SLC20A2: variants seen among roughly 807,000 people sequenced by gnomAD.
SLC20A2 encodes solute carrier family 20 member 2.
In SLC20A2, 30 loss-of-function variants were observed where a neutral mutation model predicts 61.0. That is an observed-to-expected ratio of 0.49 (90% CI 0.37 to 0.67). The LOEUF is 0.67. SLC20A2 is among the 30% of genes least tolerant of loss of function. The pLI, the probability that SLC20A2 is intolerant of heterozygous loss-of-function variation, is 0.00. For synonymous variants in SLC20A2, 351 were observed against 353.3 expected, an observed-to-expected ratio of 0.99 and a Z score of 0.07; for missense variants, 626 against 866.4, an observed-to-expected ratio of 0.72 and a Z score of 3.48.
chr8:42,502,626 G>C (rs919587595), upstream of SLC20A2: 1 of 152,204 alleles, frequency 6.6e-6, no homozygotes, highest in African/African-American at 2.4e-5. Flanking sequence ...GCATCCCCTC[G>C]GCCTAACCTG....
intron 1 of SLC20A2, among the ~76,000 whole-genome samples, chr8:42,475,570 C>T (rs557904123): frequency 7.9e-5 from 12 of 152,040 alleles, no homozygotes; most frequent in South Asian, 6.2e-4. Flanking sequence ...CCATCATGCC[C>T]GGCTAATTTT....
At chr8:42,469,876 C>T (rs1354098873) in intron 2 of SLC20A2, among the ~76,000 whole-genome samples, 1 of 149,316 alleles carries the variant, frequency 6.7e-6, no homozygotes, top group Admixed American at 6.7e-5. Flanking sequence ...TGCAGTGAGC[C>T]GAGATCACAC....
intron 1 of SLC20A2, among the ~76,000 whole-genome samples, chr8:42,515,873 CTT>C (rs1811295937): frequency 6.6e-6 from 1 of 152,164 alleles, no homozygotes; most frequent in Admixed American, 6.5e-5. Flanking sequence ...TAAGGGATAG[CTT>C]AGTCTCAACC....
chr8:42,457,614 G>A (rs778064274), intron 5 of SLC20A2, among the ~76,000 whole-genome samples: 5 of 152,076 alleles, frequency 3.3e-5, no homozygotes, highest in Non-Finnish European at 7.4e-5. Flanking sequence ...AGCCTCCTGA[G>A]TAGCTGGGAC....
At chr8:42,465,633 G>T in intron 3 of SLC20A2, 144 bp downstream of exon 3, 1 of 691,304 alleles carries the variant, frequency 1.4e-6, no homozygotes, top group Non-Finnish European at 2.2e-6. Flanking sequence ...GGAGGTTGCA[G>T]TGAGCCGAGA....
At chr8:42,470,511 A>C (rs1211722379) in intron 2 of SLC20A2, among the ~76,000 whole-genome samples, 1 of 151,954 alleles carries the variant, frequency 6.6e-6, no homozygotes. Context: ...TTACAACACA[A>C]AGCGTCAAGC....
chr8:42,509,837 C>T (rs1810932964), intron 1 of SLC20A2, among the ~76,000 whole-genome samples: 2 of 152,056 alleles, frequency 1.3e-5, no homozygotes, highest in African/African-American at 4.8e-5. Context: ...AGCTTCAAAA[C>T]AAAAGAGCAC....
intron 10 of SLC20A2, among the ~76,000 whole-genome samples, chr8:42,421,052 A>G (rs1803004296): frequency 6.6e-6 from 1 of 152,176 alleles, no homozygotes; most frequent in South Asian, 2.1e-4. Context: ...TTCAGGTTGT[A>G]TTTAGGGAGA....
chr8:42,422,759 T>C lies in SLC20A2; in HGVS notation c.1795-4792A>G, dbSNP rs556164190. Among the ~76,000 whole-genome samples the C allele has an allele frequency of 2.0e-3, 300 of 152,306 alleles. 3 individuals carry two copies. Among genetic ancestry groups the C allele is most frequent in the Non-Finnish European group, 3.5e-4 (24 of 68,030 alleles). On this transcript the variant is annotated intron_variant, in intron 10 of 10. Transcript: ENST00000520262. ...TAGGCCAATATTTCTTTGTCACGTA[T>C]ATTGTTGCAGAAAATAATTCACATG...
chr8:42,437,257 C>A lies in SLC20A2; in HGVS notation c.1255G>T (p.Asp419Tyr). The change falls in exon 8 of 11, where the codon GAC (aspartate) becomes TAC (tyrosine). Residue 419 changes from aspartate (D) to tyrosine (Y), a missense_variant. Coordinates refer to ENST00000520262, the MANE Select transcript of SLC20A2 (RefSeq NM_001257180.2). The surrounding 1 kb of genome is among the most constrained non-coding windows in gnomAD (Gnocchi z 6.4). Reference sequence around the variant, plus strand: ...CTCTTCTTGGAGTAGGACACGGTGTCGCCCACCAGCTTCTCACTGTCCTCT... The same window carrying A: ...CTCTTCTTGGAGTAGGACACGGTGTAGCCCACCAGCTTCTCACTGTCCTCT... Reference protein sequence around the residue: ...APEDSEKLVGDTVSYSKKRLR... With the variant: ...APEDSEKLVGYTVSYSKKRLR... 1 of 1,613,928 alleles carries A rather than the reference C, an allele frequency of 6.2e-7. No individual in the cohort carries two copies.
chr8:42,434,172 C>T (rs1194692706), intron 8 of SLC20A2, among the ~76,000 whole-genome samples: 4 of 151,548 alleles, frequency 2.6e-5, no homozygotes, highest in Admixed American at 1.3e-4. Context: ...CTGCAACCTC[C>T]GCCTTCTGGG....
chr8:42,487,241 G>A (rs1223981300), intron 1 of SLC20A2, among the ~76,000 whole-genome samples: 6 of 145,000 alleles, frequency 4.1e-5, no homozygotes, highest in Admixed American at 7.2e-5. Context: ...GCAGTGGCGC[G>A]ATCTTGGCTC....
At chr8:42,418,859 G>A (rs1239735666) in intron 10 of SLC20A2, among the ~76,000 whole-genome samples, 4 of 151,770 alleles carry the variant, frequency 2.6e-5, no homozygotes, top group Non-Finnish European at 5.9e-5. Flanking sequence ...TTAGCCAGGC[G>A]TGGTGGCAGG....
At position 42,520,433 on chromosome 8, in the gene SLC20A2, C is replaced by G. The variant is rs1029270060; in HGVS notation, c.-265+21388G>C. Reference sequence around the variant, plus strand: ...TTACAAAGAATTGATATTTTAAAAGCCCGTTACTTGAGGCTGGGGGCGGTG... The same window carrying G: ...TTACAAAGAATTGATATTTTAAAAGGCCGTTACTTGAGGCTGGGGGCGGTG... On this transcript the variant is annotated intron_variant, in intron 1 of 10. Coordinates refer to the SLC20A2 transcript ENST00000342228. 1.5e-4 allele frequency among the ~76,000 whole-genome samples: 9 copies of G among 60,098 alleles called. 1 individual carries two copies. Among genetic ancestry groups the G allele is most frequent in the Admixed American group, 3.5e-4 (2 of 5,746 alleles). 39.4% of individuals were successfully genotyped at this position (60,098 alleles called of 152,430 possible).
chr8:42,514,475 T>C (rs1023115633), intron 1 of SLC20A2, among the ~76,000 whole-genome samples: 3 of 152,080 alleles, frequency 2.0e-5, no homozygotes, highest in Non-Finnish European at 4.4e-5. Context: ...AGCCCTCCCC[T>C]GGCTGGGCGC....
rs988601990 is a variant in SLC20A2, at chr8:42,417,288, G to A, written c.*515C>T. On this transcript the variant is annotated 3_prime_UTR_variant, in exon 11 of 11. Coordinates refer to ENST00000520262, the MANE Select transcript of SLC20A2 (RefSeq NM_001257180.2). ...CCGTCCCGCTGTCATCCCACAGCAC[G>A]CGACCTCTGCAGGGTCAGGTTGCCT... 3 of 154,628 alleles carry A rather than the reference G, an allele frequency of 1.9e-5. No homozygotes were observed. Among genetic ancestry groups the A allele is most frequent in the Non-Finnish European group, 1.4e-5 (1 of 69,250 alleles). The allele number at this position is 154,628 out of a possible 1,614,324, so 9.6% of individuals were successfully genotyped here. A position where few individuals can be genotyped will look rare whatever the true frequency, so the allele number is the denominator to read the frequency against.
At chr8:42,492,023 A>C (rs1809553716) in intron 1 of SLC20A2, among the ~76,000 whole-genome samples, 1 of 152,178 alleles carries the variant, frequency 6.6e-6, no homozygotes, top group Non-Finnish European at 1.5e-5. Flanking sequence ...TATTGAGTGA[A>C]GGTGTTTACC....
intron 1 of SLC20A2, among the ~76,000 whole-genome samples, chr8:42,511,974 T>C (rs894895201): frequency 6.6e-6 from 1 of 152,084 alleles, no homozygotes; most frequent in South Asian, 2.1e-4. Flanking sequence ...AAGAGACCAT[T>C]CTGAGAAATA....
At position 42,526,932 on chromosome 8, in the gene SLC20A2, C is replaced by T. The variant is rs548940207; in HGVS notation, c.-265+14889G>A. Among the ~76,000 whole-genome samples, 348 of 151,684 alleles carry T rather than the reference C, an allele frequency of 2.3e-3. 3 individuals are homozygous for T. The highest frequency in any genetic ancestry group is 3.4e-3 in the Non-Finnish European group (231 of 67,944). On this transcript the variant is annotated intron_variant, in intron 1 of 10. Coordinates refer to the SLC20A2 transcript ENST00000342228. ...CTGCCTGAGCAACATAGCAGGACCCCGCCTTTACAAAAAAATAGAAAAATT... is the reference window on the plus strand; with the variant it reads ...CTGCCTGAGCAACATAGCAGGACCCTGCCTTTACAAAAAAATAGAAAAATT...
Sources: allele counts gnomAD v4.1 joint callset (sites outside exome capture counted in the v4.1 genomes callset), GRCh38; gene constraint gnomAD v4.1.1; non-coding constraint Gnocchi (gnomAD v3.1); transcripts MANE v1.5; gene names NCBI Gene and HGNC (gene_info 2026-07-23, HGNC 2026-07-21).